GRIK2: variants seen among roughly 807,000 people sequenced by gnomAD.
GRIK2 encodes the protein glutamate ionotropic receptor kainate type subunit 2, also known as glutamate receptor ionotropic, kainate 2.
In GRIK2, 32 loss-of-function variants were observed where a neutral mutation model predicts 100.3. The observed-to-expected ratio is 0.32, with a 90% CI of 0.24 to 0.43. GRIK2 has a LOEUF of 0.43. Among genes scored for constraint, GRIK2 ranks in the 20% least tolerant of loss-of-function variants. The pLI, the probability that GRIK2 is intolerant of heterozygous loss-of-function variation, is 1.00. For synonymous variants in GRIK2, 417 were observed against 389.4 expected (o/e 1.07, Z -0.83); for missense variants, 843 against 1,114.9 (o/e 0.76, Z 3.47).
At chr6:101,828,448 C>A (rs1782472642) in intron 10 of GRIK2, among the ~76,000 whole-genome samples, 1 of 151,452 alleles carries the variant, frequency 6.6e-6, no homozygotes, top group Non-Finnish European at 1.5e-5. Flanking sequence ...TAAATGGAGA[C>A]CCAGAAAACA....
intron 2 of GRIK2, among the ~76,000 whole-genome samples, chr6:101,413,051 A>G (rs2024967844): frequency 6.6e-6 from 1 of 152,086 alleles, no homozygotes; most frequent in Admixed American, 6.5e-5. Context: ...CATTTAAAAT[A>G]CAAAACTAGG....
intron 14 of GRIK2, among the ~76,000 whole-genome samples, chr6:101,995,658 A>G (rs1794612336): frequency 6.6e-6 from 1 of 151,864 alleles, no homozygotes; most frequent in Admixed American, 6.6e-5. Flanking sequence ...AAATATTTCA[A>G]TCCTAGAGTA....
intron 14 of GRIK2, among the ~76,000 whole-genome samples, chr6:101,958,284 G>GTGTGTGTGTGTGTGTGTGTGTGT (rs758541113): frequency 9.0e-4 from 17 of 18,878 alleles, no homozygotes; most frequent in East Asian, 1.1e-3. Context: ...TGTGTGTGTG[G>GTGTGTGTGTGTGTGTGTGTGTGT]GTCCATTGCA....
chr6:101,734,250 G>T (rs1033226824), intron 7 of GRIK2, among the ~76,000 whole-genome samples: 2 of 152,138 alleles, frequency 1.3e-5, no homozygotes, highest in Admixed American at 6.6e-5. Context: ...ATCTGAAGTT[G>T]GTATGCTGGA....
At chr6:101,416,118 C>A (rs566906095) in intron 2 of GRIK2, among the ~76,000 whole-genome samples, 3 of 152,134 alleles carry the variant, frequency 2.0e-5, no homozygotes, top group Non-Finnish European at 4.4e-5. Context: ...GGTGGTTGGA[C>A]CCCTGCAGAA....
At chr6:101,797,644 A>G (rs960328654) in intron 7 of GRIK2, among the ~76,000 whole-genome samples, 5 of 144,646 alleles carry the variant, frequency 3.5e-5, no homozygotes, top group Admixed American at 2.9e-4. Flanking sequence ...TTTATAAAGT[A>G]AATATATATT....
chr6:101,742,895 C>T lies in GRIK2; in HGVS notation c.951+56542C>T, dbSNP rs148380745. 3.2e-3 allele frequency among the ~76,000 whole-genome samples: 493 copies of T among 152,224 alleles called. 2 individuals are homozygous for T. The highest frequency in any genetic ancestry group is 0.011 in the African/African-American group (471 of 41,542). On this transcript the variant is annotated intron_variant, in intron 7 of 16. Transcript: ENST00000369134. Reference sequence around the variant, plus strand: ...CCCACTTCCCATCATGGCCTAAAACCGTCTCTCAGGTTAAATTTTAAGAGC... The same window carrying T: ...CCCACTTCCCATCATGGCCTAAAACTGTCTCTCAGGTTAAATTTTAAGAGC...
At chr6:101,451,560 A>G (rs78469913) in intron 2 of GRIK2, among the ~76,000 whole-genome samples, 1,884 of 151,750 alleles carry the variant, frequency 0.012, 30 homozygotes, top group African/African-American at 0.044. Flanking sequence ...AAAAGCCACC[A>G]TTCATGAAGA....
At chr6:101,827,091 T>C (rs566550198) in intron 10 of GRIK2, among the ~76,000 whole-genome samples, 2 of 152,130 alleles carry the variant, frequency 1.3e-5, no homozygotes, top group South Asian at 2.1e-4. Flanking sequence ...GAAACTTTTC[T>C]TAGAATTATA....
At chr6:101,955,616 C>CTCTCTCTCTCTCTCTCTCTCT (rs1554292263) in intron 14 of GRIK2, among the ~76,000 whole-genome samples, 49 of 135,578 alleles carry the variant, frequency 3.6e-4, no homozygotes, top group Non-Finnish European at 5.6e-4. Context: ...CTCTCTCTCT[C>CTCTCTCTCTCTCTCTCTCTCT]CCCCCCATTT....
intron 11 of GRIK2, among the ~76,000 whole-genome samples, 177 bp downstream of exon 11, chr6:101,859,670 A>C (rs1465903421): frequency 6.6e-6 from 1 of 152,200 alleles, no homozygotes; most frequent in East Asian, 1.9e-4. Flanking sequence ...TCTAAGAGGG[A>C]TATATAGCCC....
At chr6:102,016,733 C>G (rs1286199394) in intron 14 of GRIK2, among the ~76,000 whole-genome samples, 1 of 152,032 alleles carries the variant, frequency 6.6e-6, no homozygotes, top group Admixed American at 6.6e-5. Flanking sequence ...CTTCCCTGAT[C>G]TAGCTCAAGA....
chr6:101,490,090 T>C (rs72959523), intron 2 of GRIK2, among the ~76,000 whole-genome samples: 21,174 of 146,090 alleles, frequency 0.14, 3,353 homozygotes, highest in Middle Eastern at 0.23. Context: ...GGATACAGCA[T>C]GGTCTTTATT....
At chr6:101,853,433 A>G (rs1224503296) in intron 10 of GRIK2, among the ~76,000 whole-genome samples, 1 of 152,192 alleles carries the variant, frequency 6.6e-6, no homozygotes, top group Non-Finnish European at 1.5e-5. Flanking sequence ...AACACTGACA[A>G]CACCAAATGC....
chr6:101,684,726 T>TA (rs2128343206), intron 6 of GRIK2, among the ~76,000 whole-genome samples: 1 of 151,990 alleles, frequency 6.6e-6, no homozygotes, highest in South Asian at 2.1e-4. Flanking sequence ...TGGATTTTTT[T>TA]TTTTTTTTTG....
At chr6:101,606,243 A>G (rs1779432827) in intron 2 of GRIK2, among the ~76,000 whole-genome samples, 1 of 151,994 alleles carries the variant, frequency 6.6e-6, no homozygotes, top group African/African-American at 2.4e-5. Context: ...GTGATTATCC[A>G]TTTCAGAAAA....
chr6:101,841,045 G>C (rs1464657590), intron 10 of GRIK2, among the ~76,000 whole-genome samples: 21 of 152,154 alleles, frequency 1.4e-4, no homozygotes. Context: ...CTCAAAATTT[G>C]TATTTGCTGT....
chr6:101,550,510 A>G (rs1582695715), intron 2 of GRIK2, among the ~76,000 whole-genome samples: 1 of 152,320 alleles, frequency 6.6e-6, no homozygotes, highest in East Asian at 1.9e-4. Context: ...CAAAGATGAT[A>G]TTTGAAACAG....
intron 11 of GRIK2, among the ~76,000 whole-genome samples, chr6:101,876,905 G>C (rs972855062): frequency 5.9e-5 from 9 of 151,852 alleles, no homozygotes; most frequent in Non-Finnish European, 1.2e-4. Flanking sequence ...ATTATAAATG[G>C]ACTCATTCCC....
Sources: gnomAD v4.1 joint callset for allele counts (sites outside exome capture counted in the v4.1 genomes callset) on GRCh38, gnomAD v4.1.1 for gene constraint, MANE v1.5 for transcripts, NCBI Gene and HGNC (gene_info 2026-07-23, HGNC 2026-07-21) for gene names.